Variants in NKAIN2 observed in about 807,000 individuals in gnomAD.
The protein encoded by NKAIN2 is sodium/potassium transporting ATPase interacting 2.
NKAIN2 carries 14 observed loss-of-function variants against 32.6 expected under a neutral mutation model. The ratio of observed to expected loss-of-function variants is 0.43; its 90% CI spans 0.28 to 0.67. NKAIN2 has a LOEUF of 0.67. NKAIN2 is among the 30% of genes least tolerant of loss of function. The pLI, the probability that NKAIN2 is intolerant of heterozygous loss-of-function variation, is 0.17. For synonymous variants in NKAIN2, 80 were observed against 87.2 expected (o/e 0.92, Z 0.46); for missense variants, 198 against 258.3 (o/e 0.77, Z 1.60).
At chr6:123,998,798 T>C (rs1030435252) in intron 1 of NKAIN2, among the ~76,000 whole-genome samples, 7 of 140,972 alleles carry the variant, frequency 5.0e-5, no homozygotes, top group Non-Finnish European at 9.1e-5. Flanking sequence ...ATATATAGGG[T>C]GATGGTATAT....
chr6:123,849,120 A>G (rs1183022763), intron 1 of NKAIN2, among the ~76,000 whole-genome samples: 1 of 152,162 alleles, frequency 6.6e-6, no homozygotes, highest in African/African-American at 2.4e-5. Context: ...GGAATCCTAC[A>G]CTGATCCTGA....
At chr6:124,696,816 AG>A (rs1381954524) in intron 4 of NKAIN2, among the ~76,000 whole-genome samples, 1 of 151,792 alleles carries the variant, frequency 6.6e-6, no homozygotes. Context: ...TAGGTCAAGA[AG>A]ATTGAAATAA....
Position 124,236,295 on chromosome 6 carries a change from A to AGT in NKAIN2, c.55-46707_55-46706dup, listed in dbSNP as rs533723016. The stretch of plus-strand genomic sequence containing the variant: ...TATAGATTGTGCTGTAATCAAAAGG[A>AGT]GTGTACAATGAATGCAATGACAATG... On this transcript the variant is annotated intron_variant, in intron 1 of 6. Transcript: ENST00000368417. Among the ~76,000 whole-genome samples the AGT allele has an allele frequency of 2.6e-3, 394 of 152,250 alleles. 1 individual carries two copies. Among genetic ancestry groups the AGT allele is most frequent in the African/African-American group, 8.9e-3 (369 of 41,550 alleles).
intron 3 of NKAIN2, among the ~76,000 whole-genome samples, chr6:124,626,342 T>C (rs1303224547): frequency 6.6e-6 from 1 of 151,948 alleles, no homozygotes; most frequent in Admixed American, 6.6e-5. Context: ...TTTGAGTTGA[T>C]GAAATTCTGA....
intron 4 of NKAIN2, among the ~76,000 whole-genome samples, chr6:124,713,160 G>T (rs945988655): frequency 2.6e-5 from 4 of 152,006 alleles, no homozygotes; most frequent in African/African-American, 9.7e-5. Context: ...AATCTTCACA[G>T]CAATCCTATG....
rs764664417 is a variant in NKAIN2 at position 124,621,119 on chromosome 6, T to C, written c.274-37067T>C. Reference sequence around the variant, plus strand: ...CTCATTCCCAGAGATTCTGACTCAATTGGTAAGGAATACTACTGGGCAGCA... The same window carrying C: ...CTCATTCCCAGAGATTCTGACTCAACTGGTAAGGAATACTACTGGGCAGCA... On this transcript the variant is annotated intron_variant, in intron 3 of 6. Coordinates refer to ENST00000368417, the MANE Select transcript of NKAIN2 (RefSeq NM_001040214.3). 1.2e-4 allele frequency among the ~76,000 whole-genome samples: 19 copies of C among 152,294 alleles called. 1 individual carries two copies. The highest frequency in any genetic ancestry group is 1.5e-4 in the Non-Finnish European group (10 of 68,018).
chr6:124,565,559 T>G (rs1471764842), intron 3 of NKAIN2, among the ~76,000 whole-genome samples: 1 of 152,222 alleles, frequency 6.6e-6, no homozygotes, highest in Non-Finnish European at 1.5e-5. Context: ...CTCCTCCTTT[T>G]GGATTCACTT....
intron 3 of NKAIN2, among the ~76,000 whole-genome samples, chr6:124,628,365 T>C (rs1783436994): frequency 1.3e-5 from 2 of 152,312 alleles, no homozygotes; most frequent in African/African-American, 4.8e-5. Flanking sequence ...GTAAAGTTTT[T>C]GAAGGCTATG....
chr6:124,127,583 A>G (rs1321165919), intron 1 of NKAIN2, among the ~76,000 whole-genome samples: 2 of 152,170 alleles, frequency 1.3e-5, no homozygotes, highest in Non-Finnish European at 2.9e-5. Flanking sequence ...AGGATGGAGG[A>G]AAAAGACATA....
intron 3 of NKAIN2, among the ~76,000 whole-genome samples, chr6:124,366,175 A>G (rs1799508392): frequency 6.6e-6 from 1 of 152,138 alleles, no homozygotes; most frequent in African/African-American, 2.4e-5. Flanking sequence ...AAAAAAAGCA[A>G]TAAAGCCAAA....
At chr6:123,884,748 G>A (rs1773633448) in intron 1 of NKAIN2, among the ~76,000 whole-genome samples, 2 of 151,766 alleles carry the variant, frequency 1.3e-5, no homozygotes, top group Admixed American at 1.3e-4. Flanking sequence ...CATGATACTA[G>A]ATAAAACTTT....
intron 1 of NKAIN2, among the ~76,000 whole-genome samples, chr6:124,248,127 T>C (rs1215500923): frequency 6.6e-6 from 1 of 152,116 alleles, no homozygotes; most frequent in African/African-American, 2.4e-5. Flanking sequence ...TTTAGTTCAT[T>C]GACCAGTATG....
At chr6:124,470,095 T>C (rs1776913721) in intron 3 of NKAIN2, among the ~76,000 whole-genome samples, 1 of 152,040 alleles carries the variant, frequency 6.6e-6, no homozygotes, top group Non-Finnish European at 1.5e-5. Flanking sequence ...GGGCAGGTCA[T>C]GAGTGAGGGT....
intron 3 of NKAIN2, among the ~76,000 whole-genome samples, chr6:124,533,535 G>A (rs925439798): frequency 4.6e-5 from 7 of 151,228 alleles, no homozygotes; most frequent in Non-Finnish European, 5.9e-5. Flanking sequence ...GGAGATGACG[G>A]GCAGGATTTA....
intron 5 of NKAIN2, among the ~76,000 whole-genome samples, chr6:124,810,107 A>G (rs1361880432): frequency 6.6e-6 from 1 of 152,110 alleles, no homozygotes; most frequent in Non-Finnish European, 1.5e-5. Flanking sequence ...TAGAAATACC[A>G]TTTGACCCAG....
intron 1 of NKAIN2, among the ~76,000 whole-genome samples, chr6:124,217,383 T>C (rs1377125664): frequency 5.9e-5 from 9 of 152,066 alleles, no homozygotes; most frequent in Admixed American, 5.9e-4. Context: ...CTCATCTACA[T>C]GGTTAAGTCA....
chr6:124,396,101 G>A (rs1400954656), intron 3 of NKAIN2, among the ~76,000 whole-genome samples: 11 of 151,904 alleles, frequency 7.2e-5, no homozygotes, highest in Admixed American at 7.2e-4. Context: ...CTCAGTCCAG[G>A]GAGAAGGCAC....
intron 1 of NKAIN2, among the ~76,000 whole-genome samples, chr6:124,193,637 T>C (rs1209625074): frequency 6.6e-6 from 1 of 152,194 alleles, no homozygotes; most frequent in Non-Finnish European, 1.5e-5. Flanking sequence ...CTGTTTGTTT[T>C]ACAGCTCTTT....
intron 1 of NKAIN2, among the ~76,000 whole-genome samples, chr6:124,211,165 A>C (rs1394435538): frequency 6.6e-6 from 1 of 151,874 alleles, no homozygotes; most frequent in Non-Finnish European, 1.5e-5. Flanking sequence ...CCTCCAAAGA[A>C]ACAGAGCCAC....
Sources: allele counts gnomAD v4.1 joint callset (sites outside exome capture counted in the v4.1 genomes callset), GRCh38; gene constraint gnomAD v4.1.1; transcripts MANE v1.5; gene names NCBI Gene and HGNC (gene_info 2026-07-23, HGNC 2026-07-21).